MIAT: variants seen among roughly 807,000 people sequenced by gnomAD.
MIAT encodes MI related novel mRNA.
At chr22:26,662,023 C>CAATA (rs1569220674) in intron 2 of MIAT, among the ~76,000 whole-genome samples, 3 of 144,818 alleles carry the variant, frequency 2.1e-5, no homozygotes, top group Non-Finnish European at 4.5e-5. Flanking sequence ...GTGGAGCAAT[C>CAATA]GCGGTTCACT....
At chr22:26,648,310 C>A (rs1290773615) in intron 2 of MIAT, among the ~76,000 whole-genome samples, 1 of 152,112 alleles carries the variant, frequency 6.6e-6, no homozygotes, top group Non-Finnish European at 1.5e-5. Context: ...TGTCTGGACA[C>A]AAAAGGCCAG....
At chr22:26,671,231 C>G, downstream of MIAT, 1 of 398,602 alleles carries the variant, frequency 2.5e-6, no homozygotes, top group Non-Finnish European at 4.4e-6. Context: ...AGACCCACAG[C>G]CAATAAATAG....
exon 5 of MIAT, chr22:26,675,174 G>T: frequency 2.5e-6 from 1 of 398,974 alleles, no homozygotes; most frequent in Non-Finnish European, 4.4e-6. Context: ...GCTTTCTGGA[G>T]AGGGAGGCAT....
chr22:26,666,359 G>A (rs1930843742), exon 4 of MIAT: 2 of 398,552 alleles, frequency 5.0e-6, no homozygotes, highest in Admixed American at 4.4e-5. Flanking sequence ...TGGGGCATCA[G>A]GAAAGGGCAG....
chr22:26,668,511 G>T, exon 6 of MIAT: 1 of 399,002 alleles, frequency 2.5e-6, no homozygotes, highest in Non-Finnish European at 4.4e-6. Context: ...ATGTGAACTT[G>T]ATTCCTCCTC....
exon 5 of MIAT, chr22:26,667,310 G>C (rs970380786): frequency 5.0e-6 from 2 of 397,156 alleles, no homozygotes; most frequent in African/African-American, 4.2e-5. Flanking sequence ...TCGGCAAGGG[G>C]GTGAGCTCCT....
chr22:26,663,112 A>G lies in MIAT; in HGVS notation n.647-204A>G, dbSNP rs540888030. On this transcript the variant is annotated intron_variant and non_coding_transcript_variant, in intron 2 of 5. Transcript: ENST00000643270. ...GCAGAGCAGCACAGGAATCCATGCCATAAAACCCATGTTAGGATGTATTGG... is the reference window on the plus strand; with the variant it reads ...GCAGAGCAGCACAGGAATCCATGCCGTAAAACCCATGTTAGGATGTATTGG... 3.2e-4 allele frequency among the ~76,000 whole-genome samples: 48 copies of G among 152,350 alleles called. No homozygotes were observed. In the South Asian group the frequency reaches 8.3e-3, roughly 26 times the overall value.
intron 2 of MIAT, chr22:26,647,355 C>T (rs1451857330): frequency 4.1e-4 from 32 of 77,642 alleles, no homozygotes; most frequent in African/African-American, 2.4e-3. Flanking sequence ...GTTGTGGGGG[C>T]GGCGGGGACG....
intron 3 of MIAT, among the ~76,000 whole-genome samples, chr22:26,665,144 G>A (rs114876500): frequency 0.033 from 4,973 of 152,182 alleles, 260 homozygotes; most frequent in African/African-American, 0.11. Flanking sequence ...AGGAGGCTTA[G>A]GCAGGGGAAT....
chr22:26,671,663 G>A (rs1931052060), downstream of MIAT: 1 of 398,530 alleles, frequency 2.5e-6, no homozygotes, highest in African/African-American at 2.1e-5. Flanking sequence ...GACAGAGAAT[G>A]CAAATAAGAC....
exon 5 of MIAT, chr22:26,675,705 G>T (rs1174051299): frequency 7.5e-6 from 3 of 398,548 alleles, no homozygotes; most frequent in Non-Finnish European, 1.3e-5. Context: ...CCCTGGAGAA[G>T]ATCAGGGGAA....
downstream of MIAT, chr22:26,670,789 A>G: frequency 5.0e-6 from 2 of 398,534 alleles, no homozygotes; most frequent in Non-Finnish European, 8.8e-6. Flanking sequence ...AACATCGTTT[A>G]GAACTGTGGG....
exon 6 of MIAT, chr22:26,668,443 T>G: frequency 2.5e-6 from 1 of 398,838 alleles, no homozygotes; most frequent in Non-Finnish European, 4.4e-6. Context: ...CCTCCTCACC[T>G]GCTCGGGCCC....
chr22:26,646,679 TG>T, exon 1 of MIAT: 1 of 398,666 alleles, frequency 2.5e-6, no homozygotes, highest in Non-Finnish European at 4.4e-6. Context: ...ATCACTGGAC[TG>T]TTAATAGCTA....
At chr22:26,674,809 T>G in exon 5 of MIAT, 1 of 398,648 alleles carries the variant, frequency 2.5e-6, no homozygotes, top group East Asian at 3.6e-5. Flanking sequence ...AAACTCCTCT[T>G]TGTTTAACTG....
chr22:26,660,261 C>A (rs1276958820), intron 2 of MIAT, among the ~76,000 whole-genome samples: 1 of 151,030 alleles, frequency 6.6e-6, no homozygotes, highest in Non-Finnish European at 1.5e-5. Context: ...CACCTGAGGT[C>A]AGGAGTTCGA....
chr22:26,672,506 C>G (rs73165403), downstream of MIAT: 787 of 399,368 alleles, frequency 2.0e-3, 2 homozygotes, highest in Middle Eastern at 5.7e-3. Context: ...GTAGGTGGGA[C>G]CAGGGAAATC....
In MIAT at chr22:26,647,374, GGAGAGAGAGAGAGAGAGAGAGA is replaced by G. The variant is rs55740419; in HGVS notation, n.646+94_646+115del. ...TGGGGGCGGCGGGGACGTGGGGGGT[GGAGAGAGAGAGAGAGAGAGAGA>G]GAGAGAGAGAGAGAGAGAGAGAGAG... On this transcript the variant is annotated intron_variant and non_coding_transcript_variant, in intron 2 of 5. Coordinates refer to ENST00000643270, the Ensembl canonical transcript of MIAT. 7.9e-4 allele frequency: 100 copies of G among 126,980 alleles called. 1 individual carries two copies. The highest frequency in any genetic ancestry group is 4.1e-3 in the African/African-American group (61 of 14,840). The allele number at this position is 126,980 out of a possible 1,614,324, so 7.9% of individuals were successfully genotyped here.
chr22:26,670,406 A>G (rs2146018392), downstream of MIAT: 1 of 398,438 alleles, frequency 2.5e-6, no homozygotes, highest in East Asian at 3.6e-5. Context: ...GTGCCACAAA[A>G]CAGTCTACTG....
Sources: allele counts gnomAD v4.1 joint callset (sites outside exome capture counted in the v4.1 genomes callset), GRCh38; gene constraint gnomAD v4.1.1; transcripts MANE v1.5; gene names NCBI Gene and HGNC (gene_info 2026-07-23, HGNC 2026-07-21).